The following NCAPG variants were observed in gnomAD, a reference collection of about 807,000 sequenced individuals.
NCAPG encodes the protein condensin complex subunit 3.
In NCAPG, 69 loss-of-function variants were observed where a neutral mutation model predicts 113.1. The observed-to-expected ratio is 0.61, with a 90% CI of 0.50 to 0.75. The LOEUF (loss-of-function observed/expected upper bound fraction) is 0.75. NCAPG is among the 30% of genes least tolerant of loss of function. The pLI is 0.00. For synonymous variants in NCAPG, 370 were observed against 415.8 expected, an observed-to-expected ratio of 0.89 and a Z score of 1.34; for missense variants, 1,058 against 1,177.0, an observed-to-expected ratio of 0.90 and a Z score of 1.48.
intron 11 of NCAPG, among the ~76,000 whole-genome samples, chr4:17,826,977 C>T (rs1721679934): frequency 6.6e-6 from 1 of 152,184 alleles, no homozygotes; most frequent in African/African-American, 2.4e-5. Flanking sequence ...GGGCAAGTAA[C>T]TTGCCCAAAA....
At chr4:17,823,410 G>A (rs758514613) in intron 8 of NCAPG, among the ~76,000 whole-genome samples, 1 of 151,828 alleles carries the variant, frequency 6.6e-6, no homozygotes, top group Non-Finnish European at 1.5e-5. Flanking sequence ...CTGGTATTTT[G>A]TCATTTTATC....
chr4:17,815,039 G>C (rs1721146348), intron 4 of NCAPG, 41 bp downstream of exon 4: 1 of 1,600,806 alleles, frequency 6.2e-7, no homozygotes, highest in Non-Finnish European at 8.5e-7. Flanking sequence ...ATTCTTAAAG[G>C]ACAAGGAGCC....
intron 14 of NCAPG, among the ~76,000 whole-genome samples, chr4:17,835,956 A>T (rs1392634539): frequency 6.6e-6 from 1 of 152,164 alleles, no homozygotes; most frequent in Non-Finnish European, 1.5e-5. Flanking sequence ...TATTTGTTTG[A>T]GTAGCTGTTT....
chr4:17,834,595 T>G (rs1159361127), intron 14 of NCAPG, 72 bp downstream of exon 14: 4 of 1,004,500 alleles, frequency 4.0e-6, no homozygotes, highest in Non-Finnish European at 4.1e-6. Context: ...TTATTATTTT[T>G]TAAATTTATT....
intron 14 of NCAPG, 113 bp downstream of exon 14, chr4:17,834,636 A>C (rs955291269): frequency 4.3e-6 from 3 of 691,952 alleles, no homozygotes; most frequent in African/African-American, 1.9e-5. Flanking sequence ...CATGTGCAGA[A>C]CATACAGGTT....
chr4:17,834,578 TTTA>T (rs200235208), intron 14 of NCAPG, 55 bp downstream of exon 14: 12,613 of 1,111,130 alleles, frequency 0.011, 114 homozygotes, highest in Middle Eastern at 0.025. Flanking sequence ...CATGTATTTG[TTTA>T]TTATTATTAT....
chr4:17,842,156 A>G lies in NCAPG; in HGVS notation c.2855-154A>G. 1.5e-5 allele frequency: 9 copies of G among 583,938 alleles called. No homozygotes were observed. In the South Asian group the frequency reaches 1.9e-4, roughly 12 times the overall value. The allele number at this position is 583,938 out of a possible 1,614,324, so 36.2% of individuals were successfully genotyped here. A position where few individuals can be genotyped will look rare whatever the true frequency, so the allele number is the denominator to read the frequency against. On this transcript the variant is annotated intron_variant, in intron 19 of 20. Coordinates refer to ENST00000251496, the MANE Select transcript of NCAPG (RefSeq NM_022346.5). ...TTGGGTTCCTTTTTCTGTGGCAGTG[A>G]TAACTGGTACCAAGATGGCTAGAAC...
rs141319271 is a variant in NCAPG at position 17,815,327 on chromosome 4, G to C, written c.744G>C (p.Met248Ile). 35 of 1,586,308 alleles carry C rather than the reference G, an allele frequency of 2.2e-5. No individual in the cohort carries two copies. Among genetic ancestry groups the C allele is most frequent in the East Asian group, 2.0e-4 (9 of 44,400 alleles). ...CTATGTCCATTGCTCAGAGAGTAAT[G>C]CTCCTTCAACAAGGTCTTAATGACA... Reference protein sequence around the residue: ...MRAMSIAQRVMLLQQGLNDRS... With the variant: ...MRAMSIAQRVILLQQGLNDRS... Residue 248 changes from methionine to isoleucine, a missense_variant, in exon 5 of 21, where the codon ATG (methionine) becomes ATC (isoleucine). Met to Ile is a conservative substitution (Grantham distance 10). Coordinates refer to ENST00000251496, the MANE Select transcript of NCAPG (RefSeq NM_022346.5).
At position 17,842,347 on chromosome 4, in the gene NCAPG, G is replaced by A; in HGVS notation, c.2892G>A (p.Arg964=). ...RKVTVSARTN[R]RCQTAEADSE... ...TGACAGTTTCAGCTAGGACGAACAG[G>A]AGGTGTCAGACTGCTGAAGCCGACT... The change falls in exon 20 of 21, where the codon AGG becomes AGA. Residue 964 remains arginine, a synonymous_variant. Transcript: ENST00000251496. 2 of 1,612,204 alleles carry A rather than the reference G, an allele frequency of 1.2e-6. No individual in the cohort carries two copies. Among genetic ancestry groups the A allele is most frequent in the African/African-American group, 1.3e-5 (1 of 74,966 alleles).
chr4:17,843,404 T>C lies in NCAPG; in HGVS notation c.3027T>C (p.Phe1009=). The C allele has an allele frequency of 1.9e-6, 3 of 1,611,518 alleles. No individual in the cohort carries two copies. The highest frequency in any genetic ancestry group is 2.5e-6 in the Non-Finnish European group (3 of 1,177,956). ...AAAGTAAACTTAACCTTGCCCAATT[T>C]CTCAATGAAGATCTAAGTTAGGAAA... ...LEKSKLNLAQ[F]LNEDLS is the part of the protein sequence containing the mutation. Residue 1009 remains phenylalanine (F), a synonymous_variant, in exon 21 of 21, where the codon TTT becomes TTC. Transcript: ENST00000251496.
intron 20 of NCAPG, 141 bp downstream of exon 20, chr4:17,842,520 A>T: frequency 1.5e-6 from 1 of 662,436 alleles, no homozygotes; most frequent in Non-Finnish European, 2.6e-6. Context: ...TTAGGTATAT[A>T]GTCTAAAATT....
chr4:17,834,918 A>G (rs950415704), intron 14 of NCAPG, among the ~76,000 whole-genome samples: 1 of 152,248 alleles, frequency 6.6e-6, no homozygotes, highest in African/African-American at 2.4e-5. Context: ...TTGTATATGC[A>G]AAGAAATGAA....
intron 5 of NCAPG, 33 bp downstream of exon 5, chr4:17,815,391 T>C (rs1200816768): frequency 6.7e-7 from 1 of 1,502,454 alleles, no homozygotes; most frequent in South Asian, 1.2e-5. Context: ...TACAAAACTT[T>C]AGTAGATTTT....
At chr4:17,834,903 T>C (rs1722032361) in intron 14 of NCAPG, among the ~76,000 whole-genome samples, 1 of 152,240 alleles carries the variant, frequency 6.6e-6, no homozygotes, top group Non-Finnish European at 1.5e-5. Flanking sequence ...TTTCTCACTA[T>C]CAAATTGTAT....
chr4:17,839,004 G>A (rs1722217577), intron 16 of NCAPG, among the ~76,000 whole-genome samples: 1 of 152,114 alleles, frequency 6.6e-6, no homozygotes, highest in Admixed American at 6.5e-5. Context: ...AAGAATTATG[G>A]GTACAAGAAT....
chr4:17,821,715 C>G (rs997271537), intron 7 of NCAPG, among the ~76,000 whole-genome samples: 1 of 152,070 alleles, frequency 6.6e-6, no homozygotes, highest in East Asian at 1.9e-4. Flanking sequence ...CCTCCCGCCT[C>G]AACCCCCCGA....
intron 12 of NCAPG, among the ~76,000 whole-genome samples, chr4:17,828,951 A>G (rs1397134146): frequency 6.6e-6 from 1 of 150,548 alleles, no homozygotes; most frequent in African/African-American, 2.4e-5. Flanking sequence ...CTGTTTTAAA[A>G]AAAAAAAAGA....
intron 9 of NCAPG, among the ~76,000 whole-genome samples, chr4:17,824,221 G>T (rs535467114): frequency 1.4e-4 from 21 of 152,160 alleles, no homozygotes; most frequent in Non-Finnish European, 2.2e-4. Context: ...ATGAGGTATT[G>T]TTCATAAAGG....
In NCAPG at chr4:17,844,211, T is replaced by C. The variant is rs1211173952; in HGVS notation, c.*786T>C. ...TCTCTTTATATACGCTACCAATTTA[T>C]GAGCACTATTCACTGTCAATTTCAT... On this transcript the variant is annotated 3_prime_UTR_variant, in exon 21 of 21. Transcript: ENST00000251496. 1 of 152,374 alleles carries C rather than the reference T, an allele frequency of 6.6e-6. No homozygotes were observed. The highest frequency in any genetic ancestry group is 2.4e-5 in the African/African-American group (1 of 41,454). The allele number at this position is 152,374 out of a possible 1,614,324, so 9.4% of individuals were successfully genotyped here.
Sources: allele counts gnomAD v4.1 joint callset (sites outside exome capture counted in the v4.1 genomes callset), GRCh38; gene constraint gnomAD v4.1.1; transcripts MANE v1.5; gene names NCBI Gene and HGNC (gene_info 2026-07-23, HGNC 2026-07-21).